TGFA: variants seen among roughly 807,000 people sequenced by gnomAD.
TGFA encodes the protein protransforming growth factor alpha.
Under a neutral mutation model 21.7 loss-of-function variants are expected in TGFA, and 12 were observed. The observed-to-expected ratio is 0.55, with a 90% CI of 0.35 to 0.90. The LOEUF is 0.90. Ranked by LOEUF, TGFA falls within the 40% of genes least tolerant of loss-of-function variation. TGFA has a pLI of 0.01. For synonymous variants in TGFA, 79 were observed against 88.1 expected (o/e 0.90, Z 0.58); for missense variants, 178 against 210.8 (o/e 0.84, Z 0.96).
chr2:70,498,261 G>A (rs1035365406), intron 2 of TGFA, among the ~76,000 whole-genome samples: 2 of 152,234 alleles, frequency 1.3e-5, no homozygotes, highest in Non-Finnish European at 2.9e-5. Flanking sequence ...ACAATGTTGG[G>A]CACAAATTTT....
chr2:70,534,673 GA>G lies in TGFA; in HGVS notation c.40+19054del, dbSNP rs375890397. Among the ~76,000 whole-genome samples, 1,106 of 150,116 alleles carry G rather than the reference GA, an allele frequency of 7.4e-3. 14 individuals are homozygous for G. The highest frequency in any genetic ancestry group is 0.026 in the African/African-American group (1,040 of 40,026). On this transcript the variant is annotated intron_variant, in intron 1 of 5. Coordinates refer to ENST00000295400, the MANE Select transcript of TGFA (RefSeq NM_003236.4). ...TACCTGAACTGTTGACTGAAGGAGG[GA>G]AAAAACCACTCTACCATACTTGTTT...
At position 70,520,916 on chromosome 2, in the gene TGFA, T is replaced by C. The variant is rs1255589688; in HGVS notation, c.41-6004A>G. ...GGCGGGACTGATAACTAGGCAGTCA[T>C]TGTCAGCCCTTCCCTCTCCTTCACC... On this transcript the variant is annotated intron_variant, in intron 1 of 5. Coordinates refer to ENST00000295400, the MANE Select transcript of TGFA (RefSeq NM_003236.4). Among the ~76,000 whole-genome samples, 4 of 152,072 alleles carry C rather than the reference T, an allele frequency of 2.6e-5. No homozygotes were observed. In the South Asian group the frequency reaches 8.3e-4, roughly 31 times the overall value.
At chr2:70,507,559 C>T (rs1261165217) in intron 2 of TGFA, among the ~76,000 whole-genome samples, 3 of 152,192 alleles carry the variant, frequency 2.0e-5, no homozygotes, top group Non-Finnish European at 4.4e-5. Flanking sequence ...TTGACATTGG[C>T]TACTTTTCAC....
At chr2:70,473,251 G>A (rs1397103789) in intron 2 of TGFA, among the ~76,000 whole-genome samples, 2 of 152,142 alleles carry the variant, frequency 1.3e-5, no homozygotes, top group Non-Finnish European at 2.9e-5. Context: ...ATGGAGTGAA[G>A]GAGAGGCTGG....
At chr2:70,529,035 C>G (rs1672728824) in intron 1 of TGFA, among the ~76,000 whole-genome samples, 1 of 152,242 alleles carries the variant, frequency 6.6e-6, no homozygotes, top group Admixed American at 6.5e-5. Flanking sequence ...ACTCCCATCC[C>G]TGGCTTTATC....
At chr2:70,474,678 T>C (rs1670869511) in intron 2 of TGFA, among the ~76,000 whole-genome samples, 2 of 152,214 alleles carry the variant, frequency 1.3e-5, no homozygotes, top group African/African-American at 4.8e-5. Flanking sequence ...CTATCAGGCC[T>C]TCCACTAAGG....
chr2:70,527,852 G>T (rs1158486686), intron 1 of TGFA, among the ~76,000 whole-genome samples: 1 of 152,206 alleles, frequency 6.6e-6, no homozygotes, highest in Non-Finnish European at 1.5e-5. Flanking sequence ...CTGCACTCTG[G>T]ATTGTCCAGT....
At chr2:70,450,963 A>G (rs1301910139) in intron 5 of TGFA, 97 bp from the exon 6 acceptor site, 1 of 1,454,130 alleles carries the variant, frequency 6.9e-7, no homozygotes, top group East Asian at 2.4e-5. Context: ...GGCAGAGCCA[A>G]TGTCACCAAG....
chr2:70,550,205 A>T (rs1176319172), intron 1 of TGFA, among the ~76,000 whole-genome samples: 5 of 152,336 alleles, frequency 3.3e-5, no homozygotes, highest in South Asian at 4.1e-4. Context: ...CCATAAAAAT[A>T]ATAAAGCTTA....
At chr2:70,463,845 C>T (rs1372343637) in intron 3 of TGFA, among the ~76,000 whole-genome samples, 2 of 152,128 alleles carry the variant, frequency 1.3e-5, no homozygotes, top group Non-Finnish European at 2.9e-5. Context: ...TGAAAACAAC[C>T]CCATCAGTCC....
intron 2 of TGFA, among the ~76,000 whole-genome samples, chr2:70,471,553 C>T (rs1670751467): frequency 6.6e-6 from 1 of 152,202 alleles, no homozygotes; most frequent in African/African-American, 2.4e-5. Context: ...AGGTGTTTGT[C>T]TTAGATCCTC....
chr2:70,499,353 G>T (rs1371577686), intron 2 of TGFA, among the ~76,000 whole-genome samples: 3 of 152,260 alleles, frequency 2.0e-5, no homozygotes, highest in Non-Finnish European at 2.9e-5. Flanking sequence ...CCCACTTGCT[G>T]ATATGGAGGT....
chr2:70,544,460 G>A (rs191042215), intron 1 of TGFA, among the ~76,000 whole-genome samples: 55 of 152,086 alleles, frequency 3.6e-4, no homozygotes, highest in Middle Eastern at 3.4e-3. Flanking sequence ...AACAAAACTC[G>A]TTAAGATATA....
intron 2 of TGFA, among the ~76,000 whole-genome samples, chr2:70,496,535 T>C (rs1553498368): frequency 6.6e-6 from 1 of 152,226 alleles, no homozygotes; most frequent in Non-Finnish European, 1.5e-5. Context: ...CACAAACCTT[T>C]ATAGGCAGAC....
intron 1 of TGFA, among the ~76,000 whole-genome samples, chr2:70,539,396 G>A (rs1389271093): frequency 6.6e-6 from 1 of 151,230 alleles, no homozygotes; most frequent in Non-Finnish European, 1.5e-5. Flanking sequence ...TCCAATGGAA[G>A]AAAAAAAAAT....
intron 2 of TGFA, among the ~76,000 whole-genome samples, chr2:70,469,675 G>T (rs1670676644): frequency 1.3e-5 from 2 of 152,302 alleles, no homozygotes; most frequent in South Asian, 4.1e-4. Context: ...TGTTTGAGAC[G>T]CAGGCTTGTG....
intron 2 of TGFA, among the ~76,000 whole-genome samples, chr2:70,512,681 G>T (rs1275553138): frequency 6.6e-6 from 1 of 152,216 alleles, no homozygotes; most frequent in Non-Finnish European, 1.5e-5. Flanking sequence ...GCCCAGCAGG[G>T]CCTAGGGAAC....
intron 1 of TGFA, chr2:70,553,444 A>T: frequency 1.4e-6 from 2 of 1,421,332 alleles, no homozygotes; most frequent in Non-Finnish European, 1.8e-6. Context: ...GCTGCGGCGG[A>T]TTAAAGTTCA....
chr2:70,477,911 A>C (rs1213907305), intron 2 of TGFA, among the ~76,000 whole-genome samples: 1 of 152,230 alleles, frequency 6.6e-6, no homozygotes, highest in East Asian at 1.9e-4. Context: ...GAAGTCTGGC[A>C]TTAGGGGTTG....
Sources: allele counts gnomAD v4.1 joint callset (sites outside exome capture counted in the v4.1 genomes callset), GRCh38; gene constraint gnomAD v4.1.1; transcripts MANE v1.5; gene names NCBI Gene and HGNC (gene_info 2026-07-23, HGNC 2026-07-21).